Variants in USH2A observed in about 807,000 individuals in gnomAD.
USH2A encodes Usher syndrome 2A (autosomal recessive, mild).
In USH2A, 443 loss-of-function variants were observed where a neutral mutation model predicts 538.9. That is an observed-to-expected ratio of 0.82 (90% CI 0.76 to 0.89). The LOEUF is 0.89. USH2A is among the 40% of genes least tolerant of loss of function. The probability of loss-of-function intolerance (pLI) is 0.00; values close to 1 mark genes in which losing one functional copy is unlikely to be tolerated. For synonymous variants in USH2A, 2,413 were observed against 2,273.5 expected (o/e 1.06, Z -1.75); for missense variants, 6,633 against 6,324.8 (o/e 1.05, Z -1.65).
At chr1:215,862,089 C>G (rs774408674) in intron 44 of USH2A, among the ~76,000 whole-genome samples, 1 of 152,076 alleles carries the variant, frequency 6.6e-6, no homozygotes, top group Non-Finnish European at 1.5e-5. Context: ...CCGCCCACCT[C>G]GGCCTCCCAA....
intron 3 of USH2A, among the ~76,000 whole-genome samples, chr1:216,403,801 T>C (rs1178745404): frequency 1.3e-5 from 2 of 152,104 alleles, no homozygotes; most frequent in African/African-American, 4.8e-5. Context: ...TCCCCACGTG[T>C]CTAGGGAGGC....
intron 71 of USH2A, 64 bp downstream of exon 71, chr1:215,628,750 A>C: frequency 6.5e-7 from 1 of 1,540,816 alleles, no homozygotes; most frequent in Non-Finnish European, 9.0e-7. Flanking sequence ...AAGTACAGGC[A>C]GCTCTGTACC....
intron 62 of USH2A, 50 bp from the exon 63 acceptor site, chr1:215,675,666 T>G (rs762546272): frequency 1.2e-6 from 2 of 1,613,584 alleles, no homozygotes; most frequent in East Asian, 4.5e-5. Context: ...ACAATTTCTT[T>G]GTGTAGTTAC....
At chr1:215,740,078 G>A (rs997380510) in intron 60 of USH2A, among the ~76,000 whole-genome samples, 5 of 152,150 alleles carry the variant, frequency 3.3e-5, no homozygotes, top group Admixed American at 1.3e-4. Context: ...TCTGTCTTAA[G>A]TAGCAAGCCA....
chr1:215,887,675 G>A (rs560339635), intron 41 of USH2A, among the ~76,000 whole-genome samples: 1 of 152,272 alleles, frequency 6.6e-6, no homozygotes, highest in South Asian at 2.1e-4. Flanking sequence ...GTGGGGGAGA[G>A]AGAACACACA....
At chr1:216,148,680 A>G (rs1375849112) in intron 21 of USH2A, among the ~76,000 whole-genome samples, 1 of 152,038 alleles carries the variant, frequency 6.6e-6, no homozygotes, top group East Asian at 1.9e-4. Context: ...AAGTTAGTTC[A>G]GGATCTGCAC....
intron 16 of USH2A, among the ~76,000 whole-genome samples, chr1:216,203,309 T>A (rs2035039498): frequency 6.6e-6 from 1 of 152,008 alleles, no homozygotes; most frequent in Non-Finnish European, 1.5e-5. Flanking sequence ...TATACATACA[T>A]ATCTATGATA....
At chr1:216,033,389 C>T (rs1669173038) in intron 32 of USH2A, among the ~76,000 whole-genome samples, 1 of 152,124 alleles carries the variant, frequency 6.6e-6, no homozygotes, top group Non-Finnish European at 1.5e-5. Flanking sequence ...AATGATTCAG[C>T]CATGTAAAGA....
intron 38 of USH2A, among the ~76,000 whole-genome samples, chr1:215,916,101 T>C (rs1394677037): frequency 6.6e-6 from 1 of 150,598 alleles, no homozygotes; most frequent in African/African-American, 2.4e-5. Flanking sequence ...GACGAGTTAA[T>C]GGGTATAGCA....
At chr1:216,093,909 C>T (rs1340148223) in intron 22 of USH2A, among the ~76,000 whole-genome samples, 6 of 152,144 alleles carry the variant, frequency 3.9e-5, no homozygotes, top group African/African-American at 1.4e-4. Flanking sequence ...TATCCCTAAA[C>T]CACTCTATGA....
At chr1:215,666,377 T>C (rs1657605065) in intron 64 of USH2A, among the ~76,000 whole-genome samples, 1 of 152,232 alleles carries the variant, frequency 6.6e-6, no homozygotes, top group South Asian at 2.1e-4. Context: ...ATCAAAACAA[T>C]AGGACCCTTC....
chr1:216,012,027 C>T (rs796589423), intron 32 of USH2A, among the ~76,000 whole-genome samples: 1 of 67,238 alleles, frequency 1.5e-5, no homozygotes, highest in African/African-American at 5.2e-5. Flanking sequence ...TCGCCCAGGC[C>T]GGACTGCGGA....
chr1:216,342,660 A>G (rs2038097246), intron 4 of USH2A, among the ~76,000 whole-genome samples: 2 of 152,176 alleles, frequency 1.3e-5, no homozygotes, highest in Non-Finnish European at 2.9e-5. Context: ...TGCAGCCATA[A>G]AAAGGAATAA....
intron 58 of USH2A, among the ~76,000 whole-genome samples, chr1:215,752,931 T>C (rs547442036): frequency 3.3e-5 from 5 of 152,124 alleles, no homozygotes; most frequent in East Asian, 1.9e-4. Flanking sequence ...GGCTAATATC[T>C]AGAATCTACA....
At chr1:216,383,221 A>AAC (rs1368586351) in intron 3 of USH2A, among the ~76,000 whole-genome samples, 2 of 152,182 alleles carry the variant, frequency 1.3e-5, no homozygotes, top group Non-Finnish European at 2.9e-5. Flanking sequence ...AAGAAAAAAA[A>AAC]ATCCATCATC....
intron 61 of USH2A, among the ~76,000 whole-genome samples, chr1:215,717,959 C>T (rs1415072899): frequency 2.0e-5 from 3 of 152,086 alleles, no homozygotes; most frequent in East Asian, 1.9e-4. Context: ...ATCCAAAGTA[C>T]GTGGCATCCA....
At chr1:215,959,142 T>C (rs746748704) in intron 37 of USH2A, among the ~76,000 whole-genome samples, 40 of 148,902 alleles carry the variant, frequency 2.7e-4, no homozygotes, top group South Asian at 2.1e-3. Flanking sequence ...GCAAAAATAA[T>C]ATGTATATAT....
In USH2A at chr1:215,671,228, T is replaced by C. The variant is rs1362960947; in HGVS notation, c.13877A>G (p.Gln4626Arg). The change falls in exon 64 of 72, where the codon CAG becomes CGG. Residue 4626 changes from glutamine (Q) to arginine (R), a missense_variant. Physicochemically the swap from Gln to Arg is conservative, Grantham distance 43. Transcript: ENST00000307340. ...GCASSDWTFI[Q>R]TPEIAPLMQP... The stretch of plus-strand genomic sequence containing the variant: ...CATCAAAGGTGCAATCTCAGGGGTC[T>C]GTATGAATGTCCAGTCACTTGATGC... 3 of 1,614,030 alleles carry C rather than the reference T, an allele frequency of 1.9e-6. No homozygotes were observed. The African/African-American group carries it at 4.0e-5, about 22-fold the overall frequency.
Position 215,900,060 on chromosome 1 carries a change from G to A in USH2A, c.7594+15C>T, listed in dbSNP as rs1242468399. The A allele has an allele frequency of 3.1e-6, 5 of 1,613,450 alleles. No individual in the cohort carries two copies. In the African/African-American group the frequency reaches 5.3e-5, roughly 17 times the overall value. On this transcript the variant is annotated intron_variant, in intron 40 of 71. Coordinates refer to ENST00000307340, the MANE Select transcript of USH2A (RefSeq NM_206933.4). ...TGTAGAAGACATTTGGCTGTGTATT[G>A]TTCAGACCACTTACTGTCCTCTGCG...
Sources: gnomAD v4.1 joint callset for allele counts (sites outside exome capture counted in the v4.1 genomes callset) on GRCh38, gnomAD v4.1.1 for gene constraint, MANE v1.5 for transcripts, NCBI Gene and HGNC (gene_info 2026-07-23, HGNC 2026-07-21) for gene names.